PAPPA2: variants seen among roughly 807,000 people sequenced by gnomAD.
The protein encoded by PAPPA2 is pappalysin 2.
A neutral mutation model predicts 176.4 loss-of-function variants in PAPPA2; 86 were observed. The observed-to-expected ratio is 0.49, with a 90% CI of 0.41 to 0.58. The LOEUF (loss-of-function observed/expected upper bound fraction) is 0.58. Among genes scored for constraint, PAPPA2 ranks in the 20% least tolerant of loss-of-function variants. The pLI is 0.00. For synonymous variants in PAPPA2, 809 were observed against 852.2 expected, an observed-to-expected ratio of 0.95 and a Z score of 0.88; for missense variants, 2,073 against 2,256.9, an observed-to-expected ratio of 0.92 and a Z score of 1.65.
chr1:176,628,265 A>G (rs1656144474), intron 3 of PAPPA2, among the ~76,000 whole-genome samples: 1 of 152,174 alleles, frequency 6.6e-6, no homozygotes, highest in South Asian at 2.1e-4. Flanking sequence ...ATGAAAAATT[A>G]TTATGTCTGT....
At chr1:176,695,982 G>A (rs1660363212) in intron 7 of PAPPA2, 123 bp downstream of exon 7, 3 of 662,074 alleles carry the variant, frequency 4.5e-6, no homozygotes, top group Admixed American at 3.5e-5. Context: ...GTGTGTGTGT[G>A]TGTGTGTGTG....
At chr1:176,661,465 C>A (rs772483761) in intron 3 of PAPPA2, among the ~76,000 whole-genome samples, 12 of 151,176 alleles carry the variant, frequency 7.9e-5, no homozygotes, top group South Asian at 2.1e-4. Flanking sequence ...CTGCCAGTTT[C>A]AGGGACATGC....
chr1:176,580,794 G>C (rs1043224257), intron 2 of PAPPA2, among the ~76,000 whole-genome samples: 3 of 152,032 alleles, frequency 2.0e-5, no homozygotes, highest in Non-Finnish European at 4.4e-5. Flanking sequence ...AGAAATATCT[G>C]TTCAGATCAT....
intron 1 of PAPPA2, among the ~76,000 whole-genome samples, chr1:176,538,236 GGAT>G (rs1650175679): frequency 2.0e-5 from 3 of 152,160 alleles, no homozygotes; most frequent in Admixed American, 6.5e-5. Flanking sequence ...CCAACAGTTG[GGAT>G]GGACCCCAGG....
At chr1:176,579,995 C>CT (rs926483339) in intron 2 of PAPPA2, among the ~76,000 whole-genome samples, 9 of 152,068 alleles carry the variant, frequency 5.9e-5, no homozygotes, top group Non-Finnish European at 8.8e-5. Context: ...AAACATTTAT[C>CT]TTTTTTTGTA....
chr1:176,483,042 A>G (rs1652475403), intron 1 of PAPPA2, among the ~76,000 whole-genome samples: 1 of 152,214 alleles, frequency 6.6e-6, no homozygotes, highest in African/African-American at 2.4e-5. Flanking sequence ...AATGTCCTCC[A>G]TGTGGCTGAA....
At chr1:176,741,767 T>A (rs936345721) in intron 14 of PAPPA2, among the ~76,000 whole-genome samples, 1 of 152,194 alleles carries the variant, frequency 6.6e-6, no homozygotes, top group Non-Finnish European at 1.5e-5. Context: ...AACTTTAAAG[T>A]CTTCTTTCTT....
intron 3 of PAPPA2, among the ~76,000 whole-genome samples, chr1:176,649,051 G>A (rs1227323105): frequency 1.3e-5 from 2 of 151,392 alleles, no homozygotes; most frequent in Non-Finnish European, 3.0e-5. Context: ...GGACAGTGAA[G>A]CCATCAGGTC....
At chr1:176,626,858 G>A (rs1573152642) in intron 3 of PAPPA2, among the ~76,000 whole-genome samples, 2 of 149,938 alleles carry the variant, frequency 1.3e-5, no homozygotes. Context: ...AAGATTGAGT[G>A]TGTGAACAGC....
At chr1:176,742,227 A>G (rs1306668691) in intron 14 of PAPPA2, among the ~76,000 whole-genome samples, 3 of 152,220 alleles carry the variant, frequency 2.0e-5, no homozygotes, top group Non-Finnish European at 4.4e-5. Flanking sequence ...GGCCTAGCAC[A>G]TAGTAGGTAT....
chr1:176,694,369 A>G (rs1481926224), intron 6 of PAPPA2, among the ~76,000 whole-genome samples: 9 of 152,200 alleles, frequency 5.9e-5, no homozygotes, highest in Non-Finnish European at 1.5e-5. Flanking sequence ...ACCTTAGGCA[A>G]TTTACTTAAC....
chr1:176,572,532 T>C (rs1305009037), intron 2 of PAPPA2, among the ~76,000 whole-genome samples: 1 of 152,212 alleles, frequency 6.6e-6, no homozygotes, highest in Non-Finnish European at 1.5e-5. Flanking sequence ...TTTGGTTTTG[T>C]GTGGTCCCTG....
chr1:176,521,712 G>A (rs1378746154), intron 1 of PAPPA2, among the ~76,000 whole-genome samples: 1 of 152,172 alleles, frequency 6.6e-6, no homozygotes, highest in Non-Finnish European at 1.5e-5. Context: ...GTGGTAAGAG[G>A]CAGGCACCCT....
intron 4 of PAPPA2, among the ~76,000 whole-genome samples, chr1:176,682,749 C>A (rs936927892): frequency 1.3e-5 from 2 of 152,072 alleles, no homozygotes; most frequent in Non-Finnish European, 2.9e-5. Flanking sequence ...TCCACCTACA[C>A]CACTTTTTCT....
chr1:176,753,644 G>A (rs1663285332), intron 14 of PAPPA2, among the ~76,000 whole-genome samples: 1 of 140,056 alleles, frequency 7.1e-6, no homozygotes, highest in Non-Finnish European at 1.5e-5. Flanking sequence ...TTTATCATAA[G>A]GTTTCCTTTT....
At chr1:176,772,122 G>T (rs1019597996) in intron 17 of PAPPA2, among the ~76,000 whole-genome samples, 8 of 152,130 alleles carry the variant, frequency 5.3e-5, no homozygotes, top group African/African-American at 1.9e-4. Flanking sequence ...TTCAGAAAAA[G>T]AAACTTTTTC....
chr1:176,538,583 A>C (rs542085855), intron 1 of PAPPA2, among the ~76,000 whole-genome samples: 1 of 152,212 alleles, frequency 6.6e-6, no homozygotes, highest in South Asian at 2.1e-4. Flanking sequence ...GAGGAGGGGG[A>C]GAAATGGAAC....
intron 1 of PAPPA2, among the ~76,000 whole-genome samples, chr1:176,479,584 CT>C (rs1424371518): frequency 6.6e-6 from 1 of 152,064 alleles, no homozygotes; most frequent in East Asian, 1.9e-4. Context: ...CTTGGGCATT[CT>C]TGTAGGTATT....
At chr1:176,711,220 G>A (rs964438605) in intron 11 of PAPPA2, among the ~76,000 whole-genome samples, 1 of 152,060 alleles carries the variant, frequency 6.6e-6, no homozygotes, top group African/African-American at 2.4e-5. Context: ...AATAGATACC[G>A]ATCGGCAACT....
Sources: gnomAD v4.1 joint callset for allele counts (sites outside exome capture counted in the v4.1 genomes callset) on GRCh38, gnomAD v4.1.1 for gene constraint, MANE v1.5 for transcripts, NCBI Gene and HGNC (gene_info 2026-07-23, HGNC 2026-07-21) for gene names.